PHKA1: variants seen among roughly 807,000 people sequenced by gnomAD.
PHKA1 encodes the protein phosphorylase b kinase regulatory subunit alpha, skeletal muscle isoform.
In PHKA1, 60 loss-of-function variants were observed where a neutral mutation model predicts 110.2. The ratio of observed to expected loss-of-function variants is 0.54; its 90% CI spans 0.44 to 0.68. The LOEUF is 0.68. Ranked by LOEUF, PHKA1 falls within the 30% of genes least tolerant of loss-of-function variation. PHKA1 has a pLI of 0.00. For missense variants in PHKA1, 801 were observed against 942.5 expected, an observed-to-expected ratio of 0.85 and a Z score of 1.97; for synonymous variants, 316 against 333.6, an observed-to-expected ratio of 0.95 and a Z score of 0.58.
intron 5 of PHKA1, among the ~76,000 whole-genome samples, chrX:72,676,459 G>A (rs1480103455): frequency 3.6e-5 from 4 of 111,766 alleles, no homozygotes; most frequent in Admixed American, 9.5e-5. Flanking sequence ...TTTCATTAAA[G>A]CAAATACCCA....
Position 72,618,754 on chromosome X carries a change from G to A in PHKA1, c.2325C>T (p.Ser775=), listed in dbSNP as rs782395033. ...AGAGGATATCAGCTTGTTCCTGTAA[G>A]CTTGAGGTCTCCTTCAACTGTAAAA... ...ALVLQLKETS[S]LQEQADILYM... The change falls in exon 21 of 32, where the codon AGC becomes AGT. Residue 775 remains serine (S), a synonymous_variant. Transcript: ENST00000373542. 2 of 1,196,166 alleles carry A rather than the reference G, an allele frequency of 1.7e-6. No homozygotes were observed. The highest frequency in any genetic ancestry group is 2.2e-5 in the Admixed American group (1 of 45,981).
At chrX:72,612,640 T>A (rs2147694436) in intron 21 of PHKA1, among the ~76,000 whole-genome samples, 1 of 111,559 alleles carries the variant, frequency 9.0e-6, no homozygotes. Flanking sequence ...TATATTCAAA[T>A]AATGGAATGA....
intron 6 of PHKA1, among the ~76,000 whole-genome samples, chrX:72,672,716 A>T (rs1305242338): frequency 8.9e-6 from 1 of 112,096 alleles, no homozygotes; most frequent in Non-Finnish European, 1.9e-5. Flanking sequence ...TAGCAATTAC[A>T]AAGGGAAAAT....
intron 17 of PHKA1, 128 bp from the exon 18 acceptor site, chrX:72,623,403 A>C: frequency 2.0e-6 from 1 of 492,901 alleles, no homozygotes; most frequent in Non-Finnish European, 3.4e-6. Context: ...CATTAATATA[A>C]ATTTTATAAA....
At chrX:72,699,226 G>T (rs1451206175) in intron 3 of PHKA1, among the ~76,000 whole-genome samples, 1 of 110,316 alleles carries the variant, frequency 9.1e-6, no homozygotes, top group South Asian at 3.9e-4. Context: ...AGAATAAAGA[G>T]GCCAGGCGCA....
At chrX:72,629,573 CCTTTT>C (rs1337334949) in intron 16 of PHKA1, among the ~76,000 whole-genome samples, 9 of 111,599 alleles carry the variant, frequency 8.1e-5, no homozygotes, top group African/African-American at 2.6e-4. Context: ...CTTTTTCCTT[CCTTTT>C]CTTTTCAGTC....
chrX:72,676,558 G>A (rs1221746981), intron 5 of PHKA1, among the ~76,000 whole-genome samples: 4 of 111,818 alleles, frequency 3.6e-5, no homozygotes, highest in Non-Finnish European at 5.6e-5. Context: ...TACTGACAAC[G>A]TACCATGCAC....
At chrX:72,600,827 A>T (rs1208673027) in intron 28 of PHKA1, among the ~76,000 whole-genome samples, 5 of 111,732 alleles carry the variant, frequency 4.5e-5, no homozygotes, top group Non-Finnish European at 9.4e-5. Flanking sequence ...CCTGGACAAC[A>T]TAGTGAGACC....
intron 17 of PHKA1, among the ~76,000 whole-genome samples, chrX:72,623,878 A>G (rs1351193545): frequency 8.9e-6 from 1 of 112,034 alleles, no homozygotes; most frequent in Non-Finnish European, 1.9e-5. Context: ...GGCATATTGA[A>G]TAAAATAATA....
Position 72,684,441 on chromosome X carries a change from G to C in PHKA1, c.537+57C>G, listed in dbSNP as rs1186809888. 9 of 761,019 alleles carry C rather than the reference G, an allele frequency of 1.2e-5. No individual in the cohort carries two copies. The East Asian group carries it at 3.0e-4, about 25-fold the overall frequency. The allele number at this position is 761,019 out of a possible 1,213,427, so 62.7% of individuals were successfully genotyped here. A position where few individuals can be genotyped will look rare whatever the true frequency, so the allele number is the denominator to read the frequency against. On this transcript the variant is annotated intron_variant, in intron 5 of 31. Coordinates refer to ENST00000373542, the MANE Select transcript of PHKA1 (RefSeq NM_002637.4). ...ATTAAGAAAACAACTGAGTTGCCCA[G>C]TATTTAGAAAACAAAAACATCATAT...
At chrX:72,632,797 T>G (rs2147730210) in intron 16 of PHKA1, among the ~76,000 whole-genome samples, 1 of 112,223 alleles carries the variant, frequency 8.9e-6, no homozygotes, top group African/African-American at 3.2e-5. Context: ...ACTTACTAGC[T>G]TTGTGACTTT....
Position 72,584,287 on chromosome X carries a change from C to A in PHKA1, c.3259G>T (p.Val1087Phe), listed in dbSNP as rs2052382203. 8.3e-7 allele frequency: 1 copy of A among 1,208,219 alleles called. No individual in the cohort carries two copies. The highest frequency in any genetic ancestry group is 1.1e-6 in the Non-Finnish European group (1 of 892,554). ...GAGGAAGGAAGGACAAACCCTTCAACAGAAAGTCCGTGACACTGCAAAACA... is the reference window on the plus strand; with the variant it reads ...GAGGAAGGAAGGACAAACCCTTCAAAAGAAAGTCCGTGACACTGCAAAACA... ...KVLQKCHGLS[V>F]EGFVLPSSTT... Residue 1087 changes from valine (V) to phenylalanine (F), a missense_variant, in exon 30 of 32, where the codon GTT becomes TTT. Val to Phe is a conservative substitution (Grantham distance 50, BLOSUM62 -1). Coordinates refer to ENST00000373542, the MANE Select transcript of PHKA1 (RefSeq NM_002637.4).
chrX:72,646,803 G>A (rs1467048617), intron 13 of PHKA1, among the ~76,000 whole-genome samples: 3 of 111,018 alleles, frequency 2.7e-5, no homozygotes, highest in African/African-American at 9.9e-5. Flanking sequence ...AGAATAAACT[G>A]ATAGACTGTA....
intron 17 of PHKA1, among the ~76,000 whole-genome samples, chrX:72,623,682 G>A (rs1556280771): frequency 9.0e-6 from 1 of 110,627 alleles, no homozygotes; most frequent in Non-Finnish European, 1.9e-5. Context: ...CATAAAGGAT[G>A]GTACTTGACA....
chrX:72,588,169 C>T (rs922046463), intron 29 of PHKA1, among the ~76,000 whole-genome samples: 6 of 111,970 alleles, frequency 5.4e-5, no homozygotes, highest in Non-Finnish European at 9.4e-5. Context: ...TAAAATTGAC[C>T]ATATAGTTGG....
chrX:72,689,220 GT>G (rs2054004742), intron 4 of PHKA1, among the ~76,000 whole-genome samples: 1 of 111,833 alleles, frequency 8.9e-6, no homozygotes, highest in Admixed American at 9.5e-5. Context: ...ATATTCAACG[GT>G]TTTTAGTGTA....
chrX:72,620,336 G>T lies in PHKA1; in HGVS notation c.2137+389C>A, dbSNP rs187210764. On this transcript the variant is annotated intron_variant, in intron 19 of 31. Transcript: ENST00000373542. ...GGGAGAAGAATGGCAAAGTTGTAAAGAATGAGTATTATATTTGACAAAACA... is the reference window on the plus strand; with the variant it reads ...GGGAGAAGAATGGCAAAGTTGTAAATAATGAGTATTATATTTGACAAAACA... 5.4e-5 allele frequency among the ~76,000 whole-genome samples: 6 copies of T among 111,938 alleles called. No individual in the cohort carries two copies. The East Asian group carries it at 1.7e-3, about 32-fold the overall frequency.
chrX:72,702,100 G>A (rs1256415242), intron 3 of PHKA1, among the ~76,000 whole-genome samples: 1 of 110,358 alleles, frequency 9.1e-6, no homozygotes, highest in Non-Finnish European at 1.9e-5. Context: ...AAACTCAGCT[G>A]TGCTTTCTTA....
At chrX:72,581,330 A>C (rs2052334268) in intron 31 of PHKA1, among the ~76,000 whole-genome samples, 155 bp from the exon 32 acceptor site, 1 of 111,814 alleles carries the variant, frequency 8.9e-6, no homozygotes, top group Admixed American at 9.5e-5. Flanking sequence ...GTTTATGGAC[A>C]AAAGGGTGAA....
Sources: gnomAD v4.1 joint callset for allele counts (sites outside exome capture counted in the v4.1 genomes callset) on GRCh38, gnomAD v4.1.1 for gene constraint, MANE v1.5 for transcripts, NCBI Gene and HGNC (gene_info 2026-07-23, HGNC 2026-07-21) for gene names.